DBT: variants seen among roughly 807,000 people sequenced by gnomAD.
DBT encodes the protein lipoamide acyltransferase component of branched-chain alpha-keto acid dehydrogenase complex, mitochondrial.
A neutral mutation model predicts 51.3 loss-of-function variants in DBT; 40 were observed. That is an observed-to-expected ratio of 0.78 (90% CI 0.61 to 1.02). The LOEUF (loss-of-function observed/expected upper bound fraction) is 1.02, where lower values mean the gene tolerates loss of function less well. Ranked by LOEUF, DBT falls within the 50% of genes least tolerant of loss-of-function variation. The probability of loss-of-function intolerance (pLI) is 0.00; values close to 1 mark genes in which losing one functional copy is unlikely to be tolerated. For synonymous variants in DBT, 181 were observed against 190.4 expected, an observed-to-expected ratio of 0.95 and a Z score of 0.41; for missense variants, 510 against 580.2, an observed-to-expected ratio of 0.88 and a Z score of 1.24.
chr1:100,225,851 A>G (rs1479755781), intron 4 of DBT, among the ~76,000 whole-genome samples: 2 of 150,550 alleles, frequency 1.3e-5, no homozygotes, highest in African/African-American at 2.5e-5. Context: ...AAAAAAAATC[A>G]GAAGGCCAAT....
chr1:100,233,565 A>AGT (rs1395158140), intron 3 of DBT, among the ~76,000 whole-genome samples: 2 of 152,248 alleles, frequency 1.3e-5, no homozygotes, highest in Admixed American at 1.3e-4. Context: ...GTTGTTCCTC[A>AGT]GTGCCGTAAA....
chr1:100,196,615 C>T (rs530881358), intron 10 of DBT, among the ~76,000 whole-genome samples, 193 bp from the exon 11 acceptor site: 1 of 152,230 alleles, frequency 6.6e-6, no homozygotes, highest in South Asian at 2.1e-4. Flanking sequence ...TGAGTATATG[C>T]CTGGAGCTTA....
At chr1:100,220,833 GCTAGAATA>G (rs1458448905) in intron 4 of DBT, among the ~76,000 whole-genome samples, 1 of 152,158 alleles carries the variant, frequency 6.6e-6, no homozygotes, top group East Asian at 1.9e-4. Flanking sequence ...GGTCAAAGTA[GCTAGAATA>G]CAACTCCTAT....
intron 7 of DBT, among the ~76,000 whole-genome samples, chr1:100,212,770 G>A (rs1662231497): frequency 6.6e-6 from 1 of 152,140 alleles, no homozygotes; most frequent in Non-Finnish European, 1.5e-5. Context: ...CGAGAAGAAC[G>A]GGCACTTCAG....
At chr1:100,231,291 A>G (rs1295361669) in intron 3 of DBT, among the ~76,000 whole-genome samples, 1 of 152,202 alleles carries the variant, frequency 6.6e-6, no homozygotes, top group Non-Finnish European at 1.5e-5. Flanking sequence ...ACTTCCAGAA[A>G]TAAGTTTAAA....
chr1:100,218,933 G>A (rs752066270), intron 4 of DBT, among the ~76,000 whole-genome samples, 186 bp from the exon 5 acceptor site: 1 of 2,366 alleles, frequency 4.2e-4, no homozygotes, highest in Non-Finnish European at 2.1e-3. Context: ...TGGGTAGAGT[G>A]GGGGGGGGGG....
intron 1 of DBT, among the ~76,000 whole-genome samples, chr1:100,246,069 C>T (rs920540088): frequency 2.0e-5 from 3 of 152,094 alleles, no homozygotes; most frequent in African/African-American, 7.2e-5. Context: ...CAAGACCATC[C>T]TGGCCAACAC....
intron 10 of DBT, among the ~76,000 whole-genome samples, chr1:100,199,904 G>C (rs1570800231): frequency 6.6e-6 from 1 of 152,170 alleles, no homozygotes; most frequent in Non-Finnish European, 1.5e-5. Flanking sequence ...GCATCCGACA[G>C]ACCAGGATAT....
intron 8 of DBT, among the ~76,000 whole-genome samples, chr1:100,209,808 C>T (rs1182488932): frequency 4.0e-5 from 6 of 151,430 alleles, no homozygotes; most frequent in African/African-American, 4.9e-5. Context: ...ATGATCCACC[C>T]GCCTCAGCCT....
At position 100,216,174 on chromosome 1, in the gene DBT, G is replaced by A; in HGVS notation, c.581C>T (p.Ser194Leu). Residue 194 changes from serine (S) to leucine (L), a missense_variant, in exon 6 of 11, where the codon TCA (serine) becomes TTA (leucine). Physicochemically the swap from Ser to Leu is moderately radical, Grantham distance 145 (BLOSUM62 -2). Coordinates refer to ENST00000370132, the MANE Select transcript of DBT (RefSeq NM_001918.5). ...TTTAAGTATTCTGCCATCTTTTCCT[G>A]AGCCAACAACTTCACTCAGCTTAAT... ...NNIKLSEVVG[S>L]GKDGRILKED... is the part of the protein sequence containing the mutation. 2 of 1,613,498 alleles carry A rather than the reference G, an allele frequency of 1.2e-6. No individual in the cohort carries two copies. Among genetic ancestry groups the A allele is most frequent in the Non-Finnish European group, 8.5e-7 (1 of 1,179,576 alleles).
In DBT at chr1:100,189,959, T is replaced by C. The variant is rs1017223474; in HGVS notation, c.*6296A>G. 1 of 152,216 alleles carries C rather than the reference T, an allele frequency of 6.6e-6. No homozygotes were observed. Among genetic ancestry groups the C allele is most frequent in the African/African-American group, 2.4e-5 (1 of 41,452 alleles). 9.4% of individuals were successfully genotyped at this position (152,216 alleles called of 1,614,324 possible). ...TATTTAAATTTAAATTTAATTAGTGTGGCTACTGAGCAATTGAAATGTGGC... is the reference window on the plus strand; with the variant it reads ...TATTTAAATTTAAATTTAATTAGTGCGGCTACTGAGCAATTGAAATGTGGC... On this transcript the variant is annotated 3_prime_UTR_variant, in exon 11 of 11. Transcript: ENST00000370132.
intron 6 of DBT, among the ~76,000 whole-genome samples, chr1:100,215,264 T>C (rs1557948581): frequency 6.6e-6 from 1 of 152,240 alleles, no homozygotes; most frequent in African/African-American, 2.4e-5. Context: ...ATGCAAGCCA[T>C]GTATTTCCCT....
chr1:100,189,739 T>G lies in DBT; in HGVS notation c.*6516A>C, dbSNP rs1660726152. ...AACAATATAAGAAAAGCATTCTGAG[T>G]CTTCTTTTAGGCAAACTGAAATTTG... On this transcript the variant is annotated 3_prime_UTR_variant, in exon 11 of 11. Transcript: ENST00000370132. The G allele has an allele frequency of 6.6e-6, 1 of 152,194 alleles. No individual in the cohort carries two copies. Among genetic ancestry groups the G allele is most frequent in the South Asian group, 2.1e-4 (1 of 4,832 alleles). The allele number at this position is 152,194 out of a possible 1,614,324, so 9.4% of individuals were successfully genotyped here.
intron 7 of DBT, among the ~76,000 whole-genome samples, chr1:100,212,558 A>T (rs1662216622): frequency 6.6e-6 from 1 of 152,146 alleles, no homozygotes; most frequent in Admixed American, 6.5e-5. Flanking sequence ...AGAAGAAAGA[A>T]AGAAAAAGGG....
chr1:100,225,918 G>A (rs1294035789), intron 4 of DBT, among the ~76,000 whole-genome samples: 1 of 151,436 alleles, frequency 6.6e-6, no homozygotes, highest in Non-Finnish European at 1.5e-5. Context: ...AGGACTGCTT[G>A]TGCCCAGGAA....
chr1:100,226,657 T>C (rs1663236275), intron 4 of DBT, among the ~76,000 whole-genome samples: 2 of 152,212 alleles, frequency 1.3e-5, no homozygotes, highest in Non-Finnish European at 2.9e-5. Context: ...TATAGCCTCT[T>C]ATTCATTCTA....
At position 100,187,454 on chromosome 1, in the gene DBT, A is replaced by C. The variant is rs1014785939; in HGVS notation, c.*8801T>G. The C allele has an allele frequency of 6.6e-6, 1 of 152,244 alleles. No homozygotes were observed. Among genetic ancestry groups the C allele is most frequent in the Non-Finnish European group, 1.5e-5 (1 of 68,040 alleles). The allele number at this position is 152,244 out of a possible 1,614,324, so 9.4% of individuals were successfully genotyped here. Reference sequence around the variant, plus strand: ...ATACTGAATTTAAAACTTTTTACACACATAATCCTGTGCAAACTATGTAAT... The same window carrying C: ...ATACTGAATTTAAAACTTTTTACACCCATAATCCTGTGCAAACTATGTAAT... On this transcript the variant is annotated 3_prime_UTR_variant, in exon 11 of 11. Transcript: ENST00000370132.
chr1:100,211,820 G>A (rs1478747419), intron 7 of DBT, among the ~76,000 whole-genome samples: 7 of 152,218 alleles, frequency 4.6e-5, no homozygotes, highest in South Asian at 2.1e-4. Context: ...CACCTAGGCT[G>A]CAGTGCAGTG....
intron 4 of DBT, among the ~76,000 whole-genome samples, chr1:100,229,976 T>A (rs1447345737): frequency 1.3e-5 from 2 of 152,240 alleles, no homozygotes; most frequent in African/African-American, 4.8e-5. Flanking sequence ...TTCATTTTAA[T>A]TTTCCTTCTT....
Sources: gnomAD v4.1 joint callset for allele counts (sites outside exome capture counted in the v4.1 genomes callset) on GRCh38, gnomAD v4.1.1 for gene constraint, MANE v1.5 for transcripts, NCBI Gene and HGNC (gene_info 2026-07-23, HGNC 2026-07-21) for gene names.